Variants in CNTNAP2 observed in about 807,000 individuals in gnomAD.
CNTNAP2 encodes the protein contactin associated protein 2.
Under a neutral mutation model 155.2 loss-of-function variants are expected in CNTNAP2, and 98 were observed. That is an observed-to-expected ratio of 0.63 (90% confidence interval 0.54 to 0.75). CNTNAP2 has a LOEUF of 0.75. Among genes scored for constraint, CNTNAP2 ranks in the 30% least tolerant of loss-of-function variants. CNTNAP2 has a pLI of 0.00. For missense variants in CNTNAP2, 1,727 were observed against 1,688.1 expected, an observed-to-expected ratio of 1.02 and a Z score of -0.40; for synonymous variants, 651 against 631.2, an observed-to-expected ratio of 1.03 and a Z score of -0.47.
chr7:147,532,080 T>C (rs1036070876), intron 11 of CNTNAP2, among the ~76,000 whole-genome samples: 1 of 152,188 alleles, frequency 6.6e-6, no homozygotes, highest in Non-Finnish European at 1.5e-5. Context: ...GTGCTGGGAT[T>C]ACAGGCATGA....
At chr7:146,240,874 G>A (rs955659014) in intron 1 of CNTNAP2, among the ~76,000 whole-genome samples, 1 of 152,122 alleles carries the variant, frequency 6.6e-6, no homozygotes, top group South Asian at 2.1e-4. Flanking sequence ...GGTTTAATTG[G>A]CTCATGGCTC....
intron 1 of CNTNAP2, among the ~76,000 whole-genome samples, chr7:146,189,267 G>A (rs1452655877): frequency 6.6e-6 from 1 of 152,132 alleles, no homozygotes; most frequent in Non-Finnish European, 1.5e-5. Flanking sequence ...TTGGCCACAT[G>A]ATAATATGCC....
intron 1 of CNTNAP2, among the ~76,000 whole-genome samples, chr7:146,709,381 C>A (rs1233842333): frequency 1.3e-5 from 2 of 152,134 alleles, no homozygotes; most frequent in East Asian, 1.9e-4. Flanking sequence ...ATACGAGAAA[C>A]CTAAAATGAA....
At chr7:148,229,595 A>T in intron 19 of CNTNAP2, 51 bp from the exon 20 acceptor site, 1 of 1,606,246 alleles carries the variant, frequency 6.2e-7, no homozygotes, top group Non-Finnish European at 8.5e-7. Context: ...TGTGACATTA[A>T]AATGAAATTT....
intron 13 of CNTNAP2, among the ~76,000 whole-genome samples, chr7:147,877,715 G>C (rs950378456): frequency 6.6e-6 from 1 of 151,370 alleles, no homozygotes; most frequent in South Asian, 2.1e-4. Context: ...TACTAGCTGG[G>C]TTGTGTCTGG....
intron 22 of CNTNAP2, among the ~76,000 whole-genome samples, chr7:148,404,562 G>C (rs943471617): frequency 1.3e-5 from 2 of 152,170 alleles, no homozygotes; most frequent in Non-Finnish European, 2.9e-5. Context: ...GGGTGCCACC[G>C]CTGGGGTGAA....
intron 1 of CNTNAP2, among the ~76,000 whole-genome samples, chr7:146,636,090 T>C (rs1009800372): frequency 6.9e-6 from 1 of 145,756 alleles, no homozygotes; most frequent in Non-Finnish European, 1.5e-5. Context: ...ATGTGGGTCA[T>C]AAAGGCAAAG....
chr7:148,099,966 G>C (rs944773882), intron 15 of CNTNAP2, among the ~76,000 whole-genome samples: 1 of 146,444 alleles, frequency 6.8e-6, no homozygotes, highest in African/African-American at 2.6e-5. Context: ...TCTGCCTCCT[G>C]GGTTTAAGCA....
chr7:148,175,362 A>G (rs1254984144), intron 18 of CNTNAP2, among the ~76,000 whole-genome samples: 3 of 152,190 alleles, frequency 2.0e-5, no homozygotes, highest in African/African-American at 7.2e-5. Flanking sequence ...TTTGAGGGAT[A>G]ACTATCTCTG....
intron 13 of CNTNAP2, among the ~76,000 whole-genome samples, chr7:147,682,610 A>G (rs2116981444): frequency 6.6e-6 from 1 of 152,012 alleles, no homozygotes. Context: ...GACTGAGCCC[A>G]TCAGCAATTA....
At chr7:147,667,997 G>C (rs1303171869) in intron 13 of CNTNAP2, among the ~76,000 whole-genome samples, 1 of 152,054 alleles carries the variant, frequency 6.6e-6, no homozygotes, top group East Asian at 1.9e-4. Flanking sequence ...AGGATGAGCA[G>C]GTTGGAAAAA....
At chr7:147,620,501 TA>T (rs1801372442) in intron 12 of CNTNAP2, among the ~76,000 whole-genome samples, 1 of 149,910 alleles carries the variant, frequency 6.7e-6, no homozygotes, top group African/African-American at 2.4e-5. Flanking sequence ...ATATATTAAT[TA>T]AAAATAACTA....
chr7:147,951,044 A>G (rs528646325), intron 14 of CNTNAP2, among the ~76,000 whole-genome samples: 65 of 152,284 alleles, frequency 4.3e-4, no homozygotes, highest in African/African-American at 1.5e-3. Flanking sequence ...TCATTTTCCT[A>G]TGTGAATTCC....
At chr7:146,774,109 T>G (rs1802345140) in intron 1 of CNTNAP2, among the ~76,000 whole-genome samples, 162 bp from the exon 2 acceptor site, 1 of 152,262 alleles carries the variant, frequency 6.6e-6, no homozygotes, top group Non-Finnish European at 1.5e-5. Context: ...TGTGTTATAT[T>G]ATATTTAGGA....
At chr7:148,331,330 G>C (rs1295853281) in intron 21 of CNTNAP2, among the ~76,000 whole-genome samples, 2 of 150,978 alleles carry the variant, frequency 1.3e-5, no homozygotes, top group African/African-American at 2.4e-5. Context: ...GGAATGGACG[G>C]ATGGAATGGA....
chr7:147,861,064 A>G (rs1473012778), intron 13 of CNTNAP2, among the ~76,000 whole-genome samples: 2 of 152,278 alleles, frequency 1.3e-5, no homozygotes, highest in South Asian at 4.1e-4. Context: ...CTTTTCTTGT[A>G]GGTGTTCCTT....
chr7:147,413,039 A>G lies in CNTNAP2; in HGVS notation c.1670+17259A>G, dbSNP rs1406287. Reference sequence around the variant, plus strand: ...AATGGAAACTCGTGTCAACTCATTCATTCTTAAAACTCTCCTACCAGTGTC... The same window carrying G: ...AATGGAAACTCGTGTCAACTCATTCGTTCTTAAAACTCTCCTACCAGTGTC... On this transcript the variant is annotated intron_variant, in intron 10 of 23. Coordinates refer to ENST00000361727, the MANE Select transcript of CNTNAP2 (RefSeq NM_014141.6). 8.5e-3 allele frequency among the ~76,000 whole-genome samples: 1,288 copies of G among 152,338 alleles called. 44 individuals are homozygous for G. The East Asian group carries it at 0.095, about 11-fold the overall frequency.
In CNTNAP2 at chr7:147,903,236, G is replaced by A. The variant is rs148235876; in HGVS notation, c.2099-329G>A. ...TTTCCCTGATCATTAGGGATGCTGAGCATTTTTTCATATGTTTGTTGGCCT... is the reference window on the plus strand; with the variant it reads ...TTTCCCTGATCATTAGGGATGCTGAACATTTTTTCATATGTTTGTTGGCCT... On this transcript the variant is annotated intron_variant, in intron 13 of 23. Transcript: ENST00000361727. 1.8e-3 allele frequency among the ~76,000 whole-genome samples: 277 copies of A among 152,246 alleles called. 1 individual carries two copies. The highest frequency in any genetic ancestry group is 3.4e-3 in the Non-Finnish European group (234 of 68,012).
At chr7:146,168,040 G>T (rs563320841) in intron 1 of CNTNAP2, among the ~76,000 whole-genome samples, 5 of 151,398 alleles carry the variant, frequency 3.3e-5, no homozygotes, top group African/African-American at 1.2e-4. Context: ...AAAAATGAAG[G>T]CTGGAAGAGT....
Sources: allele counts gnomAD v4.1 joint callset (sites outside exome capture counted in the v4.1 genomes callset), GRCh38; gene constraint gnomAD v4.1.1; transcripts MANE v1.5; gene names NCBI Gene and HGNC (gene_info 2026-07-23, HGNC 2026-07-21).